KCNN2: variants seen among roughly 807,000 people sequenced by gnomAD.
KCNN2 encodes small conductance calcium-activated potassium channel protein 2.
KCNN2 carries 24 observed loss-of-function variants against 55.5 expected under a neutral mutation model. The observed-to-expected ratio is 0.43, with a 90% CI of 0.31 to 0.61. KCNN2 has a LOEUF of 0.61. KCNN2 is among the 20% of genes least tolerant of loss of function. The pLI is 0.08. For synonymous variants in KCNN2, 431 were observed against 336.1 expected (o/e 1.28, Z -3.09); for missense variants, 754 against 853.6 (o/e 0.88, Z 1.45).
intron 3 of KCNN2, among the ~76,000 whole-genome samples, chr5:114,462,768 A>AGTC (rs1761267364): frequency 6.6e-6 from 1 of 152,192 alleles, no homozygotes; most frequent in Admixed American, 6.5e-5. Flanking sequence ...GGGCCGGAGG[A>AGTC]GTCTACAAAG....
At chr5:114,302,759 C>A (rs1418800531) in intron 2 of KCNN2, among the ~76,000 whole-genome samples, 1 of 152,072 alleles carries the variant, frequency 6.6e-6, no homozygotes, top group African/African-American at 2.4e-5. Context: ...AGTTTACAAC[C>A]AGGCCTGGGT....
intron 1 of KCNN2, among the ~76,000 whole-genome samples, chr5:114,156,458 T>A (rs11241267): frequency 0.4 from 60,607 of 152,020 alleles, 12,403 homozygotes; most frequent in East Asian, 0.72. Flanking sequence ...ACTGAATCTA[T>A]AAACTGCTTT....
chr5:114,386,308 C>A (rs1758284447), intron 2 of KCNN2, among the ~76,000 whole-genome samples: 4 of 151,888 alleles, frequency 2.6e-5, no homozygotes, highest in African/African-American at 9.7e-5. Flanking sequence ...GATTTTTCTC[C>A]CCTTGTATTT....
rs188235846 is a variant in KCNN2, at chr5:114,337,071, T to C, written c.-184-23874T>C. On this transcript the variant is annotated intron_variant, in intron 2 of 10. Transcript: ENST00000512097. Reference sequence around the variant, plus strand: ...TCTGTGTAGTGAATATATTAGAGGTTGGCAGGAGTGGAAGCAAGAAAACTA... The same window carrying C: ...TCTGTGTAGTGAATATATTAGAGGTCGGCAGGAGTGGAAGCAAGAAAACTA... Among the ~76,000 whole-genome samples the C allele has an allele frequency of 3.7e-3, 557 of 152,268 alleles. 3 individuals are homozygous for C. The highest frequency in any genetic ancestry group is 0.031 in the Middle Eastern group (9 of 294).
At chr5:114,068,494 C>G (rs1472682589) in intron 1 of KCNN2, among the ~76,000 whole-genome samples, 3 of 152,280 alleles carry the variant, frequency 2.0e-5, no homozygotes, top group South Asian at 4.1e-4. Context: ...CCACAGCTGC[C>G]CAAGTGACAG....
intron 1 of KCNN2, among the ~76,000 whole-genome samples, chr5:114,180,329 T>C (rs2112552501): frequency 6.6e-6 from 1 of 152,314 alleles, no homozygotes; most frequent in South Asian, 2.1e-4. Context: ...ACTTGTTTTA[T>C]ACCCTTATTG....
At chr5:114,323,649 A>AATTTTTTTTTTTTTTT (rs1404261239) in intron 2 of KCNN2, among the ~76,000 whole-genome samples, 1 of 85,318 alleles carries the variant, frequency 1.2e-5, no homozygotes, top group East Asian at 4.3e-4. Flanking sequence ...AAACATATCA[A>AATTTTTTTTTTTTTTT]TTTTTTTTTT....
chr5:114,214,265 T>C (rs1753954602), intron 1 of KCNN2, among the ~76,000 whole-genome samples: 1 of 151,942 alleles, frequency 6.6e-6, no homozygotes, highest in Admixed American at 6.6e-5. Context: ...AGACGATGTA[T>C]AGAGAATGAG....
intron 3 of KCNN2, among the ~76,000 whole-genome samples, chr5:114,453,630 G>A (rs780403140): frequency 6.6e-6 from 1 of 152,070 alleles, no homozygotes; most frequent in Non-Finnish European, 1.5e-5. Flanking sequence ...AAAGATAGTT[G>A]TTGGAACCTC....
At chr5:114,284,828 A>G (rs943995163) in intron 2 of KCNN2, among the ~76,000 whole-genome samples, 1 of 151,634 alleles carries the variant, frequency 6.6e-6, no homozygotes, top group Non-Finnish European at 1.5e-5. Context: ...GATCATCTCC[A>G]TTTCTGATCT....
In KCNN2 at chr5:114,405,692, GT is replaced by G. The variant is rs991456325; in HGVS notation, c.1637+844del. 4.1e-5 allele frequency among the ~76,000 whole-genome samples: 6 copies of G among 145,162 alleles called. No homozygotes were observed. The Admixed American group carries it at 4.2e-4, about 10-fold the overall frequency. ...GAAAGTTCAGATGTTAGTCTTTGTA[GT>G]TTTTTTTGTTTTGTTTTGTTTTGTT... On this transcript the variant is annotated intron_variant, in intron 3 of 7. Transcript: ENST00000673685.
chr5:114,170,409 A>T (rs997668217), intron 1 of KCNN2, among the ~76,000 whole-genome samples: 15 of 151,990 alleles, frequency 9.9e-5, no homozygotes, highest in Non-Finnish European at 2.1e-4. Context: ...GACTAGTAAA[A>T]TTTTTTTCAT....
chr5:114,306,700 C>CTTTT (rs1245549186), intron 2 of KCNN2, among the ~76,000 whole-genome samples: 3 of 115,516 alleles, frequency 2.6e-5, no homozygotes, highest in Non-Finnish European at 5.2e-5. Flanking sequence ...TTTTTTTTTT[C>CTTTT]TTTTTTTTTT....
rs142079446 is a variant in KCNN2 at position 114,062,124 on chromosome 5, G to C, written c.-271+5624G>C. Among the ~76,000 whole-genome samples the C allele has an allele frequency of 3.1e-3, 461 of 149,604 alleles. 4 individuals are homozygous for C. The highest frequency in any genetic ancestry group is 0.01 in the African/African-American group (411 of 40,604). ...TCTTTTTTTTTTTTTATAAAATTTA[G>C]TCAAGGAAAGTAAACTTCACAGACT... On this transcript the variant is annotated intron_variant, in intron 1 of 10. Transcript: ENST00000512097.
At chr5:114,355,355 G>T (rs1757278090) in intron 2 of KCNN2, among the ~76,000 whole-genome samples, 1 of 152,136 alleles carries the variant, frequency 6.6e-6, no homozygotes, top group Admixed American at 6.6e-5. Flanking sequence ...CTGTATGGAA[G>T]AAGAAAATAA....
chr5:114,360,450 C>T (rs1036216857), upstream of KCNN2, among the ~76,000 whole-genome samples: 2 of 152,078 alleles, frequency 1.3e-5, no homozygotes, highest in African/African-American at 4.8e-5. Context: ...AGGTCTAACT[C>T]GTTGTAATAG....
At chr5:114,106,308 C>G (rs936322052) in intron 1 of KCNN2, among the ~76,000 whole-genome samples, 4 of 151,468 alleles carry the variant, frequency 2.6e-5, no homozygotes, top group African/African-American at 9.7e-5. Context: ...CTGTAATAAA[C>G]ACTCTTGTAT....
chr5:114,390,059 A>G (rs1053176301), intron 2 of KCNN2, among the ~76,000 whole-genome samples: 1 of 152,172 alleles, frequency 6.6e-6, no homozygotes, highest in Non-Finnish European at 1.5e-5. Flanking sequence ...GATAATAACT[A>G]TGACCTAGCT....
intron 2 of KCNN2, among the ~76,000 whole-genome samples, chr5:114,239,886 A>T (rs1401704848): frequency 6.6e-6 from 1 of 152,220 alleles, no homozygotes; most frequent in African/African-American, 2.4e-5. Context: ...ATATATTAGA[A>T]AGGCAATTAG....
Sources: allele counts gnomAD v4.1 joint callset (sites outside exome capture counted in the v4.1 genomes callset), GRCh38; gene constraint gnomAD v4.1.1; transcripts MANE v1.5; gene names NCBI Gene and HGNC (gene_info 2026-07-23, HGNC 2026-07-21).